ASAP1: variants seen among roughly 807,000 people sequenced by gnomAD.
ASAP1 encodes ArfGAP with SH3 domain, ankyrin repeat and PH domain 1, also known as arf-GAP with SH3 domain, ANK repeat and PH domain-containing protein 1.
A neutral mutation model predicts 145.2 loss-of-function variants in ASAP1; 43 were observed. That is an observed-to-expected ratio of 0.30 (90% confidence interval 0.23 to 0.38). The LOEUF (loss-of-function observed/expected upper bound fraction) is 0.38. Among genes scored for constraint, ASAP1 ranks in the 10% least tolerant of loss-of-function variants. The pLI is 1.00. For missense variants in ASAP1, 1,018 were observed against 1,355.3 expected (o/e 0.75, Z 3.91); for synonymous variants, 546 against 515.5 (o/e 1.06, Z -0.80).
At chr8:130,311,365 G>A (rs1178403041) in intron 3 of ASAP1, among the ~76,000 whole-genome samples, 1 of 152,202 alleles carries the variant, frequency 6.6e-6, no homozygotes, top group Non-Finnish European at 1.5e-5. Flanking sequence ...AATAGCCTAT[G>A]CTGTCTCATA....
In ASAP1 at chr8:130,305,821, A is replaced by G. The variant is rs985572989; in HGVS notation, c.186+52196T>C. ...CTCCAAAACTGGACCACTCAAATGG[A>G]CTTTACTACCAGCTGTTTCACTGGC... On this transcript the variant is annotated intron_variant, in intron 3 of 29. Coordinates refer to ENST00000518721, the MANE Select transcript of ASAP1 (RefSeq NM_018482.4). 1.1e-4 allele frequency among the ~76,000 whole-genome samples: 17 copies of G among 152,300 alleles called. 2 individuals are homozygous for G. Among genetic ancestry groups the G allele is most frequent in the African/African-American group, 3.4e-4 (14 of 41,556 alleles).
At chr8:130,261,558 T>A (rs547705772) in intron 3 of ASAP1, among the ~76,000 whole-genome samples, 1 of 152,162 alleles carries the variant, frequency 6.6e-6, no homozygotes, top group African/African-American at 2.4e-5. Flanking sequence ...AGGGCATCTT[T>A]GATTGTGAGT....
At chr8:130,119,935 A>C (rs1227686308) in intron 18 of ASAP1, among the ~76,000 whole-genome samples, 2 of 152,206 alleles carry the variant, frequency 1.3e-5, no homozygotes, top group Non-Finnish European at 2.9e-5. Context: ...CTTGCTCAAA[A>C]ATATGCATTC....
At chr8:130,255,969 G>C (rs1425411880) in intron 3 of ASAP1, among the ~76,000 whole-genome samples, 1 of 152,106 alleles carries the variant, frequency 6.6e-6, no homozygotes, top group Admixed American at 6.6e-5. Context: ...CAGAACAGCT[G>C]GTTCTTAACA....
In ASAP1 at chr8:130,178,217, A is replaced by G. The variant is rs558152175; in HGVS notation, c.746+1047T>C. Among the ~76,000 whole-genome samples, 4 of 152,342 alleles carry G rather than the reference A, an allele frequency of 2.6e-5. No homozygotes were observed. The South Asian group carries it at 8.3e-4, about 32-fold the overall frequency. ...AAACGACCTTTACATTATTTTGCTTATGAGAGCTGTCCATTCCATTTCTGG... is the reference window on the plus strand; with the variant it reads ...AAACGACCTTTACATTATTTTGCTTGTGAGAGCTGTCCATTCCATTTCTGG... On this transcript the variant is annotated intron_variant, in intron 9 of 29. Transcript: ENST00000518721.
intron 3 of ASAP1, among the ~76,000 whole-genome samples, chr8:130,266,070 A>AC (rs1399652586): frequency 6.6e-6 from 1 of 152,156 alleles, no homozygotes; most frequent in Non-Finnish European, 1.5e-5. Context: ...GCAAAAAATG[A>AC]CCCACAGGTG....
At chr8:130,099,700 TGAG>T (rs2097525379) in intron 24 of ASAP1, among the ~76,000 whole-genome samples, 1 of 125,124 alleles carries the variant, frequency 8.0e-6, no homozygotes. Context: ...TTTTTTTTTT[TGAG>T]ACAGAGTCTT....
intron 2 of ASAP1, among the ~76,000 whole-genome samples, chr8:130,392,937 T>A (rs191108503): frequency 8.2e-4 from 125 of 152,296 alleles, no homozygotes; most frequent in Middle Eastern, 3.4e-3. Flanking sequence ...GGATCACATT[T>A]CAACATGAGG....
At chr8:130,418,278 G>A (rs779142369) in intron 1 of ASAP1, among the ~76,000 whole-genome samples, 9 of 152,256 alleles carry the variant, frequency 5.9e-5, no homozygotes, top group Middle Eastern at 3.4e-3. Context: ...GGCCCGGCAC[G>A]GTCGCACACA....
intron 1 of ASAP1, among the ~76,000 whole-genome samples, chr8:130,432,793 A>T (rs1830182630): frequency 6.6e-6 from 1 of 152,150 alleles, no homozygotes; most frequent in Non-Finnish European, 1.5e-5. Flanking sequence ...ACTGCCAGGC[A>T]ATTTCCCTTC....
intron 2 of ASAP1, among the ~76,000 whole-genome samples, chr8:130,364,733 A>C (rs1826871675): frequency 5.9e-5 from 9 of 152,126 alleles, no homozygotes; most frequent in Admixed American, 5.9e-4. Context: ...AGCTTCTCTC[A>C]CTCTGCCTTA....
chr8:130,422,269 T>C (rs1829751073), intron 1 of ASAP1, among the ~76,000 whole-genome samples: 1 of 152,138 alleles, frequency 6.6e-6, no homozygotes. Context: ...GGCGTGGAGA[T>C]GAAGCCGATG....
intron 1 of ASAP1, among the ~76,000 whole-genome samples, chr8:130,405,983 T>A (rs1829010307): frequency 6.6e-6 from 1 of 152,170 alleles, no homozygotes; most frequent in Non-Finnish European, 1.5e-5. Flanking sequence ...TCAGAAAAAA[T>A]ATTAAGGCAT....
chr8:130,080,582 C>T (rs1278433043), intron 25 of ASAP1, among the ~76,000 whole-genome samples: 3 of 150,876 alleles, frequency 2.0e-5, no homozygotes, highest in East Asian at 3.9e-4. Context: ...TTCAAGTGTT[C>T]CTCCTGTCCA....
At chr8:130,291,346 G>A (rs1037410097) in intron 3 of ASAP1, among the ~76,000 whole-genome samples, 10 of 152,166 alleles carry the variant, frequency 6.6e-5, no homozygotes, top group Non-Finnish European at 1.2e-4. Flanking sequence ...GTAAGACCTA[G>A]GCCAGACAGC....
intron 3 of ASAP1, among the ~76,000 whole-genome samples, chr8:130,350,683 G>A (rs1457558255): frequency 1.3e-5 from 2 of 152,328 alleles, no homozygotes; most frequent in East Asian, 1.9e-4. Flanking sequence ...CAGCTTTCAT[G>A]AGCCTTTTGG....
intron 13 of ASAP1, among the ~76,000 whole-genome samples, chr8:130,143,837 A>G (rs2097619642): frequency 6.6e-6 from 1 of 152,236 alleles, no homozygotes; most frequent in African/African-American, 2.4e-5. Context: ...TAGCACAGGC[A>G]TATTTCTCAG....
intron 3 of ASAP1, among the ~76,000 whole-genome samples, chr8:130,274,578 C>T (rs1220999897): frequency 6.6e-6 from 1 of 152,246 alleles, no homozygotes; most frequent in Non-Finnish European, 1.5e-5. Flanking sequence ...ACATAGCAAC[C>T]TCTGCCTCTC....
At chr8:130,221,490 C>T (rs2136501377) in intron 4 of ASAP1, among the ~76,000 whole-genome samples, 1 of 152,160 alleles carries the variant, frequency 6.6e-6, no homozygotes, top group Middle Eastern at 3.4e-3. Flanking sequence ...TTTGTTTCCC[C>T]CTTATATTTA....
Sources: gnomAD v4.1 joint callset for allele counts (sites outside exome capture counted in the v4.1 genomes callset) on GRCh38, gnomAD v4.1.1 for gene constraint, MANE v1.5 for transcripts, NCBI Gene and HGNC (gene_info 2026-07-23, HGNC 2026-07-21) for gene names.